Variants in L3MBTL4 observed in about 807,000 individuals in gnomAD.
L3MBTL4 encodes the protein lethal(3)malignant brain tumor-like protein 4.
L3MBTL4 carries 70 observed loss-of-function variants against 84.5 expected under a neutral mutation model. The observed-to-expected ratio is 0.83, with a 90% CI of 0.68 to 1.01. The LOEUF (loss-of-function observed/expected upper bound fraction) is 1.01, where lower values mean the gene tolerates loss of function less well. L3MBTL4 is among the 50% of genes least tolerant of loss of function. The pLI is 0.00. For synonymous variants in L3MBTL4, 274 were observed against 259.8 expected, an observed-to-expected ratio of 1.05 and a Z score of -0.52; for missense variants, 715 against 754.8, an observed-to-expected ratio of 0.95 and a Z score of 0.62.
At chr18:6,016,249 A>G (rs1001147573) in intron 16 of L3MBTL4, among the ~76,000 whole-genome samples, 10 of 152,146 alleles carry the variant, frequency 6.6e-5, no homozygotes, top group African/African-American at 2.4e-4. Context: ...AGCCTTTGGA[A>G]GGGGTCAGAT....
At position 6,264,029 on chromosome 18, in the gene L3MBTL4, G is replaced by A. The variant is rs369459602; in HGVS notation, c.137C>T (p.Ala46Val). 47 of 1,610,004 alleles carry A rather than the reference G, an allele frequency of 2.9e-5. No individual in the cohort carries two copies. Among genetic ancestry groups the A allele is most frequent in the Non-Finnish European group, 3.9e-5 (46 of 1,176,346 alleles). The stretch of plus-strand genomic sequence containing the variant: ...CCAAGACCATGCTCCCTGTGCAGCC[G>A]CTGAAGGGACTGGAAGAGAAAACAC... The part of the protein sequence containing the change: ...STTPLSHVPS[A>V]AAQGAWSWEW... Residue 46 changes from alanine to valine, a missense_variant, in exon 5 of 19, where the codon GCG (alanine) becomes GTG (valine). Transcript: ENST00000317931.
chr18:6,046,834 T>C (rs1045101027), intron 16 of L3MBTL4: 5 of 716,884 alleles, frequency 7.0e-6, no homozygotes, highest in Non-Finnish European at 1.3e-5. Context: ...TAATATCACA[T>C]CTAGAGGAAC....
intron 1 of L3MBTL4, among the ~76,000 whole-genome samples, chr18:6,362,792 G>A (rs897150021): frequency 2.0e-5 from 3 of 152,198 alleles, no homozygotes; most frequent in Non-Finnish European, 2.9e-5. Flanking sequence ...AGTGGGAAGA[G>A]AAAGCAATAA....
At chr18:6,031,763 T>G (rs1478959144) in intron 16 of L3MBTL4, 90 of 984,586 alleles carry the variant, frequency 9.1e-5, no homozygotes, top group Non-Finnish European at 1.1e-4. Flanking sequence ...CACACCTCTG[T>G]GTGCCTATCT....
chr18:6,285,949 A>G (rs1006251122), intron 4 of L3MBTL4, among the ~76,000 whole-genome samples: 2 of 151,276 alleles, frequency 1.3e-5, no homozygotes, highest in Admixed American at 6.6e-5. Context: ...CTTCTGCCTC[A>G]GCCTCCCCAG....
At chr18:6,158,732 T>C (rs923789429) in intron 13 of L3MBTL4, among the ~76,000 whole-genome samples, 6 of 152,124 alleles carry the variant, frequency 3.9e-5, no homozygotes, top group African/African-American at 1.2e-4. Context: ...TGGTAGAAGG[T>C]CAGTGGCCAA....
rs143797193 is a variant in L3MBTL4, at chr18:6,010,071, C to A, written c.1445-40509G>T. ...CGATGTTTCCCTTCTGTATCCTTGT[C>A]GTGTTTTCCATGATGCTTTTAAATT... On this transcript the variant is annotated intron_variant, in intron 16 of 18. Transcript: ENST00000317931. Among the ~76,000 whole-genome samples the A allele has an allele frequency of 9.2e-5, 14 of 152,030 alleles. No individual in the cohort carries two copies. In the East Asian group the frequency reaches 2.7e-3, roughly 29 times the overall value.
intron 1 of L3MBTL4, among the ~76,000 whole-genome samples, chr18:6,364,595 T>A (rs1386910161): frequency 2.6e-5 from 4 of 152,144 alleles, no homozygotes; most frequent in African/African-American, 9.6e-5. Context: ...CATTTTTTCA[T>A]CATTAAATAA....
intron 16 of L3MBTL4, among the ~76,000 whole-genome samples, chr18:5,981,999 T>TGC (rs2053247652): frequency 9.4e-6 from 1 of 106,784 alleles, no homozygotes. Flanking sequence ...TGTGTGTGTG[T>TGC]GTGTGTGTGT....
chr18:6,282,896 C>T (rs552585805), intron 4 of L3MBTL4, among the ~76,000 whole-genome samples: 23 of 152,242 alleles, frequency 1.5e-4, no homozygotes, highest in African/African-American at 5.3e-4. Context: ...AAGCAACAGC[C>T]TCCCTTGTCA....
intron 12 of L3MBTL4, among the ~76,000 whole-genome samples, chr18:6,202,014 C>G (rs2045668840): frequency 6.6e-6 from 1 of 152,222 alleles, no homozygotes; most frequent in Non-Finnish European, 1.5e-5. Flanking sequence ...TGTAAACAGA[C>G]TGTAACCTAC....
At chr18:6,252,646 G>A (rs1359723722) in intron 5 of L3MBTL4, among the ~76,000 whole-genome samples, 1 of 152,148 alleles carries the variant, frequency 6.6e-6, no homozygotes, top group Non-Finnish European at 1.5e-5. Context: ...TCAAGTGATG[G>A]TGATACTAAA....
intron 4 of L3MBTL4, among the ~76,000 whole-genome samples, chr18:6,299,735 T>C (rs112120032): frequency 2.9e-4 from 44 of 152,318 alleles, no homozygotes; most frequent in African/African-American, 7.5e-4. Context: ...AGGGACAAGA[T>C]CTTGGCTCAC....
chr18:6,343,434 C>G (rs577164973), intron 1 of L3MBTL4, among the ~76,000 whole-genome samples: 1 of 151,956 alleles, frequency 6.6e-6, no homozygotes, highest in Non-Finnish European at 1.5e-5. Context: ...GAGGCCGAGG[C>G]GGGCAGATCA....
intron 16 of L3MBTL4, among the ~76,000 whole-genome samples, chr18:6,044,082 T>C (rs1305011705): frequency 5.3e-5 from 8 of 152,200 alleles, no homozygotes; most frequent in Non-Finnish European, 7.3e-5. Flanking sequence ...TTATAATGTA[T>C]ATTCATTGAA....
chr18:6,170,271 C>G (rs916363673), intron 13 of L3MBTL4, among the ~76,000 whole-genome samples: 4 of 152,132 alleles, frequency 2.6e-5, no homozygotes, highest in Non-Finnish European at 4.4e-5. Context: ...AACTCACTAG[C>G]AGACTACAGG....
Position 6,138,307 on chromosome 18 carries a change from T to A in L3MBTL4, c.1097-11A>T, listed in dbSNP as rs755877242. 5 of 1,554,618 alleles carry A rather than the reference T, an allele frequency of 3.2e-6. No homozygotes were observed. In the East Asian group the frequency reaches 1.1e-4, roughly 35 times the overall value. On this transcript the variant is annotated splice_polypyrimidine_tract_variant and intron_variant, in intron 13 of 18. Coordinates refer to ENST00000317931, the MANE Select transcript of L3MBTL4 (RefSeq NM_001330559.2). ...TCAGGTCATTCGTTCCTTCAGGAAG[T>A]AAAAGAACATGCCTTGAAAACACCC...
At chr18:6,297,194 T>A (rs192598344) in intron 4 of L3MBTL4, among the ~76,000 whole-genome samples, 1 of 152,210 alleles carries the variant, frequency 6.6e-6, no homozygotes, top group Non-Finnish European at 1.5e-5. Context: ...GGTGAGTTGA[T>A]GGCAGATGAG....
At chr18:6,188,190 C>A (rs2044876014) in intron 12 of L3MBTL4, among the ~76,000 whole-genome samples, 1 of 151,748 alleles carries the variant, frequency 6.6e-6, no homozygotes. Flanking sequence ...CACACACCAA[C>A]CCCACCAACC....
Sources: allele counts gnomAD v4.1 joint callset (sites outside exome capture counted in the v4.1 genomes callset), GRCh38; gene constraint gnomAD v4.1.1; transcripts MANE v1.5; gene names NCBI Gene and HGNC (gene_info 2026-07-23, HGNC 2026-07-21).